Variants in CD5 observed in about 807,000 individuals in gnomAD.
CD5 encodes CD5 molecule, also known as T-cell surface glycoprotein CD5.
Under a neutral mutation model 60.3 loss-of-function variants are expected in CD5, and 36 were observed. The ratio of observed to expected loss-of-function variants is 0.60; its 90% confidence interval spans 0.46 to 0.79. CD5 has a LOEUF of 0.79. Among genes scored for constraint, CD5 ranks in the 30% least tolerant of loss-of-function variants. The pLI is 0.00. For missense variants in CD5, 540 were observed against 630.6 expected (o/e 0.86, Z 1.54); for synonymous variants, 230 against 257.6 (o/e 0.89, Z 1.03).
chr11:61,119,187 C>A (rs370020266), intron 4 of CD5, 47 bp from the exon 5 acceptor site: 289 of 1,490,056 alleles, frequency 1.9e-4, no homozygotes, highest in Non-Finnish European at 2.5e-4. Context: ...GCCCAGGAAG[C>A]CCTCGGCGCT....
chr11:61,113,661 C>A (rs769940042), intron 1 of CD5, among the ~76,000 whole-genome samples: 10 of 152,004 alleles, frequency 6.6e-5, no homozygotes, highest in Admixed American at 2.6e-4. Context: ...TTGCTCATTT[C>A]TTTCTTTCCT....
At chr11:61,097,166 C>T in the CD5 span, among the ~76,000 whole-genome samples, 1 of 152,148 alleles carries the variant, frequency 6.6e-6, no homozygotes, top group Admixed American at 6.5e-5. Flanking sequence ...TAGCCGAGCA[C>T]GTAGCCCAGT....
At chr11:61,096,607 G>C in the CD5 span, among the ~76,000 whole-genome samples, 1 of 152,236 alleles carries the variant, frequency 6.6e-6, no homozygotes, top group East Asian at 1.9e-4. Context: ...TTGCTGGGAA[G>C]AGACTTGCTT....
the CD5 span, among the ~76,000 whole-genome samples, chr11:61,094,592 T>C: frequency 1.1e-4 from 16 of 152,316 alleles, no homozygotes; most frequent in African/African-American, 3.4e-4. Flanking sequence ...CTTGGATTTC[T>C]TGATACTCTG....
At chr11:61,102,375 C>A, upstream of CD5, 1 of 596,968 alleles carries the variant, frequency 1.7e-6, no homozygotes, top group Non-Finnish European at 3.0e-6. Context: ...GTGGTTTTGC[C>A]AGGAGGAAGT....
intron 1 of CD5, among the ~76,000 whole-genome samples, chr11:61,109,448 G>C (rs566981108): frequency 6.6e-6 from 1 of 152,172 alleles, no homozygotes; most frequent in African/African-American, 2.4e-5. Flanking sequence ...GTGGAGCCAG[G>C]ATGTCCTATT....
intron 8 of CD5, among the ~76,000 whole-genome samples, chr11:61,124,210 T>C (rs1861113452): frequency 6.6e-6 from 1 of 151,542 alleles, no homozygotes; most frequent in Non-Finnish European, 1.5e-5. Context: ...CCTCGCCCCA[T>C]CTCTAGGGTC....
At chr11:61,123,397 A>G (rs7925800) in intron 7 of CD5, among the ~76,000 whole-genome samples, 112,759 of 151,938 alleles carry the variant, frequency 0.74, 43,371 homozygotes, top group East Asian at 1. Flanking sequence ...ACCACTGCCC[A>G]AGATGCTGAT....
chr11:61,122,815 A>G, intron 6 of CD5, 92 bp from the exon 7 acceptor site: 2 of 1,366,952 alleles, frequency 1.5e-6, no homozygotes, highest in Non-Finnish European at 2.0e-6. Context: ...ATGAGCAAGG[A>G]TGACGGCGGA....
chr11:61,123,145 C>T lies in CD5; in HGVS notation c.1225+113C>T, dbSNP rs1861094462. On this transcript the variant is annotated intron_variant, in intron 7 of 10. Coordinates refer to ENST00000347785, the MANE Select transcript of CD5 (RefSeq NM_014207.4). ...TCCAGAGAGCTGGGCACGCAGGACA[C>T]CTCTGCTTCACCACCCAGCCTTCCC... 2.4e-6 allele frequency: 3 copies of T among 1,257,130 alleles called. No homozygotes were observed. The South Asian group carries it at 5.1e-5, about 21-fold the overall frequency. The allele number at this position is 1,257,130 out of a possible 1,614,324, so 77.9% of individuals were successfully genotyped here.
chr11:61,112,232 G>A (rs1590768995), intron 1 of CD5, among the ~76,000 whole-genome samples: 1 of 152,300 alleles, frequency 6.6e-6, no homozygotes, highest in Admixed American at 6.5e-5. Context: ...GAGGGAGGTG[G>A]GAATGAGAGG....
chr11:61,119,039 C>A, intron 4 of CD5, 62 bp downstream of exon 4: 2 of 1,403,076 alleles, frequency 1.4e-6, no homozygotes, highest in South Asian at 2.4e-5. Context: ...CCAGGATGCC[C>A]AGTTACATTG....
upstream of CD5, among the ~76,000 whole-genome samples, chr11:61,097,825 A>T (rs1385009384): frequency 6.6e-6 from 1 of 152,164 alleles, no homozygotes; most frequent in Non-Finnish European, 1.5e-5. Flanking sequence ...ACCCCCATTT[A>T]CGTGCTCAAC....
rs1487470981 is a variant in CD5 at position 61,118,565 on chromosome 11, G to A, written c.400+85G>A. The A allele has an allele frequency of 2.2e-6, 3 of 1,391,904 alleles. No individual in the cohort carries two copies. Among genetic ancestry groups the A allele is most frequent in the Non-Finnish European group, 3.0e-6 (3 of 1,011,716 alleles). 86.2% of individuals were successfully genotyped at this position (1,391,904 alleles called of 1,614,324 possible). A position where few individuals can be genotyped will look rare whatever the true frequency, so the allele number is the denominator to read the frequency against. On this transcript the variant is annotated intron_variant, in intron 3 of 10. Transcript: ENST00000347785. This position sits in a 1 kb window ranked among gnomAD's most constrained non-coding sequence, Gnocchi z 4.7. ...GCCCGAGGCCTGTGATCTAGGGTCT[G>A]AGCAGGCTGGTGGAAGGGGTGGGGG...
At chr11:61,096,072 C>T in the CD5 span, among the ~76,000 whole-genome samples, 1 of 152,192 alleles carries the variant, frequency 6.6e-6, no homozygotes, top group Non-Finnish European at 1.5e-5. Flanking sequence ...GGAAGGCGAA[C>T]GCCAGGCTAG....
At chr11:61,102,460 G>A (rs1210346938), upstream of CD5, 3 of 242,190 alleles carry the variant, frequency 1.2e-5, no homozygotes, top group South Asian at 7.1e-5. Context: ...CCCTGAGCAC[G>A]CCACCCCGCC....
At chr11:61,100,533 T>C (rs1413142312), upstream of CD5, among the ~76,000 whole-genome samples, 1 of 102,620 alleles carries the variant, frequency 9.7e-6, no homozygotes, top group Non-Finnish European at 1.9e-5. Flanking sequence ...GAGATCACAT[T>C]CACACACATA....
At chr11:61,122,792 G>C in intron 6 of CD5, 115 bp from the exon 7 acceptor site, 1 of 1,160,168 alleles carries the variant, frequency 8.6e-7, no homozygotes, top group Non-Finnish European at 1.2e-6. Flanking sequence ...GTGCATGCTG[G>C]TGAATTTCTC....
At chr11:61,100,181 TCAA>T (rs1462918959), upstream of CD5, among the ~76,000 whole-genome samples, 2 of 91,980 alleles carry the variant, frequency 2.2e-5, no homozygotes, top group Non-Finnish European at 4.1e-5. Flanking sequence ...CACACACACA[TCAA>T]CATGGAGATC....
Sources: allele counts gnomAD v4.1 joint callset (sites outside exome capture counted in the v4.1 genomes callset), GRCh38; gene constraint gnomAD v4.1.1; non-coding constraint Gnocchi (gnomAD v3.1); transcripts MANE v1.5; gene names NCBI Gene and HGNC (gene_info 2026-07-23, HGNC 2026-07-21).